The following MGAT4A variants were observed in gnomAD, a reference collection of about 807,000 sequenced individuals.
The protein encoded by MGAT4A is alpha-1,3-mannosyl-glycoprotein 4-beta-N-acetylglucosaminyltransferase A.
A neutral mutation model predicts 74.1 loss-of-function variants in MGAT4A; 33 were observed. The ratio of observed to expected loss-of-function variants is 0.45; its 90% confidence interval spans 0.34 to 0.60. The LOEUF is 0.60. MGAT4A is among the 20% of genes least tolerant of loss of function. The pLI is 0.02. For synonymous variants in MGAT4A, 198 were observed against 210.4 expected, an observed-to-expected ratio of 0.94 and a Z score of 0.51; for missense variants, 479 against 628.3, an observed-to-expected ratio of 0.76 and a Z score of 2.54.
At chr2:98,697,704 C>T (rs984112012) in intron 2 of MGAT4A, among the ~76,000 whole-genome samples, 4 of 152,066 alleles carry the variant, frequency 2.6e-5, no homozygotes, top group Admixed American at 6.6e-5. Flanking sequence ...AAAGAACCAA[C>T]GAACAAATAA....
In MGAT4A at chr2:98,678,348, C is replaced by A; in HGVS notation, c.218G>T (p.Gly73Val). ...NTIVQQFKRVGAETNGSKDAL... is the reference protein window; with the variant it reads ...NTIVQQFKRVVAETNGSKDAL... ...ATCCTTACTTCCATTTGTTTCTGCTCCTACACGCTTGAACTGTTGCACAAT... is the reference window on the plus strand; with the variant it reads ...ATCCTTACTTCCATTTGTTTCTGCTACTACACGCTTGAACTGTTGCACAAT... The change falls in exon 3 of 16, where the codon GGA becomes GTA. Residue 73 changes from glycine to valine, a missense_variant. Coordinates refer to ENST00000393487, the MANE Select transcript of MGAT4A (RefSeq NM_012214.3). 1 of 1,490,594 alleles carries A rather than the reference C, an allele frequency of 6.7e-7. No homozygotes were observed. Among genetic ancestry groups the A allele is most frequent in the Non-Finnish European group, 9.0e-7 (1 of 1,108,726 alleles). The allele number at this position is 1,490,594 out of a possible 1,614,324, so 92.3% of individuals were successfully genotyped here.
At chr2:98,664,713 T>C (rs1432521302) in intron 4 of MGAT4A, among the ~76,000 whole-genome samples, 1 of 152,226 alleles carries the variant, frequency 6.6e-6, no homozygotes, top group Non-Finnish European at 1.5e-5. Context: ...TGTTTCTTAA[T>C]CATTTAACTT....
At chr2:98,693,088 A>T (rs2104304384) in intron 2 of MGAT4A, among the ~76,000 whole-genome samples, 1 of 152,336 alleles carries the variant, frequency 6.6e-6, no homozygotes, top group South Asian at 2.1e-4. Flanking sequence ...TACTGGGGAA[A>T]AGATTTTGAA....
Position 98,683,140 on chromosome 2 carries a change from G to C in MGAT4A, c.95-4669C>G, listed in dbSNP as rs139462806. ...ATAAATGGCTTCCACTTTAAGACGT[G>C]TCAAGGTCATCAAAGACAAAGGCTG... On this transcript the variant is annotated intron_variant, in intron 2 of 15. Transcript: ENST00000393487. 2.6e-5 allele frequency among the ~76,000 whole-genome samples: 4 copies of C among 152,088 alleles called. No homozygotes were observed. The East Asian group carries it at 7.7e-4, about 29-fold the overall frequency.
chr2:98,652,392 G>A (rs1431271230), intron 8 of MGAT4A, among the ~76,000 whole-genome samples: 1 of 146,240 alleles, frequency 6.8e-6, no homozygotes, highest in Non-Finnish European at 1.5e-5. Context: ...GTGCAGTGGC[G>A]CTATCTCGGC....
intron 9 of MGAT4A, among the ~76,000 whole-genome samples, 185 bp from the exon 10 acceptor site, chr2:98,644,238 A>C (rs1701453705): frequency 6.6e-6 from 1 of 152,210 alleles, no homozygotes; most frequent in South Asian, 2.1e-4. Context: ...CTTTCTCTTG[A>C]GCTGTCACCT....
intron 2 of MGAT4A, among the ~76,000 whole-genome samples, chr2:98,688,336 C>T (rs1361364097): frequency 2.0e-5 from 3 of 152,108 alleles, no homozygotes; most frequent in Non-Finnish European, 2.9e-5. Flanking sequence ...CTGTCACAAG[C>T]GGACTCTGCA....
At chr2:98,706,553 C>A (rs1353526272) in intron 2 of MGAT4A, among the ~76,000 whole-genome samples, 1 of 151,434 alleles carries the variant, frequency 6.6e-6, no homozygotes, top group Non-Finnish European at 1.5e-5. Flanking sequence ...TGGTCTCGAT[C>A]TCCTGACCTC....
intron 2 of MGAT4A, among the ~76,000 whole-genome samples, chr2:98,707,585 C>T (rs978663312): frequency 9.2e-5 from 14 of 152,072 alleles, no homozygotes; most frequent in African/African-American, 2.9e-4. Context: ...CAATCAACAG[C>T]GGAATGAGAG....
At chr2:98,640,090 G>A in intron 11 of MGAT4A, 31 bp downstream of exon 11, 1 of 1,578,082 alleles carries the variant, frequency 6.3e-7, no homozygotes, top group Admixed American at 1.8e-5. Context: ...CAAGTTGTAT[G>A]TTCATGAGAA....
chr2:98,726,291 A>C lies in MGAT4A; in HGVS notation c.42T>G (p.Phe14Leu). Residue 14 changes from phenylalanine (F) to leucine (L), a missense_variant, in exon 2 of 16, where the codon TTT becomes TTG. By Grantham distance (22) the Phe-to-Leu change is conservative (BLOSUM62 0). This residue lies in a region of MGAT4A where 205 missense variants were observed against 232.7 expected (regional missense o/e 0.88). Transcript: ENST00000393487. ...RNGTVATALA[F>L]ITSFLTLSWY... Reference sequence around the variant, plus strand: ...AAGACAAAGTAAGGAAGGAAGTGATAAATGCTAAAGCAGTGGCTACAGTTC... The same window carrying C: ...AAGACAAAGTAAGGAAGGAAGTGATCAATGCTAAAGCAGTGGCTACAGTTC... The C allele has an allele frequency of 1.9e-6, 3 of 1,614,154 alleles. No homozygotes were observed. The highest frequency in any genetic ancestry group is 2.5e-6 in the Non-Finnish European group (3 of 1,179,970).
intron 2 of MGAT4A, among the ~76,000 whole-genome samples, chr2:98,690,609 A>G (rs1702182756): frequency 6.6e-6 from 1 of 152,208 alleles, no homozygotes; most frequent in African/African-American, 2.4e-5. Context: ...ACAACTGAAA[A>G]TCACTCATAA....
At chr2:98,651,808 T>C (rs1575251312) in intron 8 of MGAT4A, among the ~76,000 whole-genome samples, 1 of 152,312 alleles carries the variant, frequency 6.6e-6, no homozygotes, top group East Asian at 1.9e-4. Context: ...ATTAATATAC[T>C]ATCTACAAGA....
chr2:98,660,143 A>G (rs1433521884), intron 5 of MGAT4A, among the ~76,000 whole-genome samples: 4 of 152,256 alleles, frequency 2.6e-5, no homozygotes, highest in Non-Finnish European at 1.5e-5. Flanking sequence ...ATAGCTACCA[A>G]AAAAATACTT....
Position 98,624,784 on chromosome 2 carries a change from T to C in MGAT4A, c.*782A>G. ...CTTACACATTGAAAATTTATCAGAC[T>C]GACTTTCTGTGGCTATACACCATAC... On this transcript the variant is annotated 3_prime_UTR_variant, in exon 16 of 16. Transcript: ENST00000393487. The C allele has an allele frequency of 1.0e-6, 1 of 984,886 alleles. No individual in the cohort carries two copies. The highest frequency in any genetic ancestry group is 1.2e-6 in the Non-Finnish European group (1 of 828,996). 61.0% of individuals were successfully genotyped at this position (984,886 alleles called of 1,614,324 possible). A position where few individuals can be genotyped will look rare whatever the true frequency, so the allele number is the denominator to read the frequency against.
At chr2:98,664,795 T>C (rs1244869812) in intron 4 of MGAT4A, among the ~76,000 whole-genome samples, 1 of 152,166 alleles carries the variant, frequency 6.6e-6, no homozygotes, top group South Asian at 2.1e-4. Flanking sequence ...AGTGTTTGAG[T>C]GTTGTGATCC....
intron 3 of MGAT4A, 36 bp downstream of exon 3, chr2:98,678,268 A>ATATATATAT: frequency 1.6e-6 from 1 of 637,406 alleles, no homozygotes; most frequent in Non-Finnish European, 2.1e-6. Flanking sequence ...ATATATATAT[A>ATATATATAT]AAATCTTTTT....
At chr2:98,691,906 C>A (rs951706717) in intron 2 of MGAT4A, among the ~76,000 whole-genome samples, 1 of 151,798 alleles carries the variant, frequency 6.6e-6, no homozygotes, top group African/African-American at 2.4e-5. Flanking sequence ...TATGTCTCTT[C>A]CTTTTTAACA....
chr2:98,682,513 T>A (rs1177267179), intron 2 of MGAT4A, among the ~76,000 whole-genome samples: 1 of 144,586 alleles, frequency 6.9e-6, no homozygotes, highest in African/African-American at 2.6e-5. Context: ...ATGCTAAAAC[T>A]AACAGGTGAA....
Sources: allele counts gnomAD v4.1 joint callset (sites outside exome capture counted in the v4.1 genomes callset), GRCh38; gene constraint gnomAD v4.1.1; regional missense constraint gnomAD v4.1.1; transcripts MANE v1.5; gene names NCBI Gene and HGNC (gene_info 2026-07-23, HGNC 2026-07-21).